Variants in LYZL6 observed in about 807,000 individuals in gnomAD.
LYZL6 encodes lysozyme like 6, also known as lysozyme-like protein 6.
LYZL6 carries 21 observed loss-of-function variants against 15.0 expected under a neutral mutation model. That is an observed-to-expected ratio of 1.40 (90% CI 1.00 to 2.02). LYZL6 has a LOEUF of 2.02. Among genes scored for constraint, LYZL6 ranks in the 30% most tolerant of loss-of-function variants. The probability of loss-of-function intolerance (pLI) is 0.00; values close to 1 mark genes in which losing one functional copy is unlikely to be tolerated. For synonymous variants in LYZL6, 72 were observed against 67.8 expected (o/e 1.06, Z -0.31); for missense variants, 173 against 180.5 (o/e 0.96, Z 0.24).
chr17:35,942,946 G>A (rs984248309), intron 1 of LYZL6, among the ~76,000 whole-genome samples: 1 of 152,128 alleles, frequency 6.6e-6, no homozygotes, highest in Non-Finnish European at 1.5e-5. Context: ...TCGGGAATGG[G>A]GTGAGAGCCT....
chr17:35,943,453 A>C (rs775742781), intron 1 of LYZL6, 114 bp downstream of exon 1: 5 of 152,260 alleles, frequency 3.3e-5, no homozygotes, highest in Non-Finnish European at 7.3e-5. Context: ...GATAGATGTC[A>C]CTGAGCCTCG....
At chr17:35,935,864 A>G (rs2089367591) in intron 4 of LYZL6, among the ~76,000 whole-genome samples, 1 of 147,836 alleles carries the variant, frequency 6.8e-6, no homozygotes, top group African/African-American at 2.5e-5. Flanking sequence ...CCCAGGCTGG[A>G]GTGCAGTGGC....
In LYZL6 at chr17:35,937,772, T is replaced by A. The variant is rs746603503; in HGVS notation, c.284A>T (p.His95Leu). 6.2e-7 allele frequency: 1 copy of A among 1,614,186 alleles called. No individual in the cohort carries two copies. Among genetic ancestry groups the A allele is most frequent in the East Asian group, 2.2e-5 (1 of 44,892 alleles). Reference protein sequence around the residue: ...DYKSYSENLCHVDCQDLLNPN... With the variant: ...DYKSYSENLCLVDCQDLLNPN... The stretch of plus-strand genomic sequence containing the variant: ...CCTGGCCAGACCTTGACAGTCTACG[T>A]GGCAAAGGTTTTCCGAGTAACTCTT... The change falls in exon 3 of 5, where the codon CAC becomes CTC. Residue 95 changes from histidine to leucine, a missense_variant. Transcript: ENST00000615905.
rs370894634 is a variant in LYZL6, at chr17:35,937,803, C to T, written c.253G>A (p.Asp85Asn). Residue 85 changes from aspartate to asparagine, a missense_variant, in exon 3 of 5, where the codon GAT (aspartate) becomes AAT (asparagine). Physicochemically the swap from Asp to Asn is conservative, Grantham distance 23. Coordinates refer to ENST00000615905, the MANE Select transcript of LYZL6 (RefSeq NM_020426.4). The stretch of plus-strand genomic sequence containing the variant: ...AGGTTTTCCGAGTAACTCTTATAAT[C>T]GTTGCACCAGTAGTGGCTGTTGATC... ...FQINSHYWCNDYKSYSENLCH... is the reference protein window; with the variant it reads ...FQINSHYWCNNYKSYSENLCH... The T allele has an allele frequency of 2.7e-5, 44 of 1,614,052 alleles. No homozygotes were observed. Among genetic ancestry groups the T allele is most frequent in the South Asian group, 5.5e-5 (5 of 91,080 alleles).
chr17:35,939,051 G>A (rs988169818), intron 2 of LYZL6, among the ~76,000 whole-genome samples, 167 bp downstream of exon 2: 1 of 152,188 alleles, frequency 6.6e-6, no homozygotes, highest in African/African-American at 2.4e-5. Flanking sequence ...TACATAATAA[G>A]TGCTCAGACA....
At chr17:35,940,876 CA>C (rs552511066) in intron 1 of LYZL6, among the ~76,000 whole-genome samples, 5 of 152,208 alleles carry the variant, frequency 3.3e-5, no homozygotes, top group Non-Finnish European at 7.3e-5. Flanking sequence ...AATAATATTT[CA>C]TTGTATGAAT....
In LYZL6 at chr17:35,939,452, G is replaced by A. The variant is rs1043840671; in HGVS notation, c.-96C>T. 5 of 1,306,528 alleles carry A rather than the reference G, an allele frequency of 3.8e-6. No individual in the cohort carries two copies. Among genetic ancestry groups the A allele is most frequent in the Non-Finnish European group, 4.2e-6 (4 of 943,492 alleles). The allele number at this position is 1,306,528 out of a possible 1,614,324, so 80.9% of individuals were successfully genotyped here. On this transcript the variant is annotated 5_prime_UTR_variant, in exon 2 of 5. Transcript: ENST00000615905. Reference sequence around the variant, plus strand: ...TCTGAGAGCCTGGGGAATCTGGAGAGGGCAGCCAGGTTTCCTTACTCACTC... The same window carrying A: ...TCTGAGAGCCTGGGGAATCTGGAGAAGGCAGCCAGGTTTCCTTACTCACTC...
intron 1 of LYZL6, among the ~76,000 whole-genome samples, chr17:35,942,018 A>C (rs2141969737): frequency 6.6e-6 from 1 of 150,866 alleles, no homozygotes; most frequent in East Asian, 2.0e-4. Flanking sequence ...GTGCCTCCAG[A>C]TGTGATTCCC....
intron 3 of LYZL6, among the ~76,000 whole-genome samples, chr17:35,937,250 C>T (rs1047537950): frequency 2.6e-5 from 4 of 152,132 alleles, no homozygotes; most frequent in Admixed American, 6.5e-5. Flanking sequence ...TGGGCCCTGT[C>T]GAGCCTCCTG....
rs1327230857 is a variant in LYZL6, at chr17:35,934,695, A to G, written c.*101T>C. On this transcript the variant is annotated 3_prime_UTR_variant, in exon 5 of 5. Coordinates refer to ENST00000615905, the MANE Select transcript of LYZL6 (RefSeq NM_020426.4). ...AGTTTTAGTTGTAAATGGGAAGGGAAGAAAATAACATGAAGTGGAGGCAGT... is the reference window on the plus strand; with the variant it reads ...AGTTTTAGTTGTAAATGGGAAGGGAGGAAAATAACATGAAGTGGAGGCAGT... The G allele has an allele frequency of 2.6e-6, 3 of 1,145,986 alleles. No individual in the cohort carries two copies. The highest frequency in any genetic ancestry group is 4.8e-5 in the East Asian group (2 of 41,672). 71.0% of individuals were successfully genotyped at this position (1,145,986 alleles called of 1,614,324 possible).
In LYZL6 at chr17:35,934,569, G is replaced by A. The variant is rs1332774482; in HGVS notation, c.*227C>T. On this transcript the variant is annotated 3_prime_UTR_variant, in exon 5 of 5. Transcript: ENST00000615905. ...CGATAAATATAAAGATTTCTTTATT[G>A]TGGTCCTCAGTTTACAAATAACAGA... is the stretch of plus-strand genomic sequence containing the variant. The A allele has an allele frequency of 1.5e-5, 8 of 539,664 alleles. No homozygotes were observed. Among genetic ancestry groups the A allele is most frequent in the Non-Finnish European group, 2.6e-5 (8 of 304,570 alleles). 33.4% of individuals were successfully genotyped at this position (539,664 alleles called of 1,614,324 possible). A position where few individuals can be genotyped will look rare whatever the true frequency, so the allele number is the denominator to read the frequency against.
rs2141966847 is a variant in LYZL6, at chr17:35,938,000, T to A, written c.140-84A>T. Reference sequence around the variant, plus strand: ...GATGGAGGAGAAAGGGAGGCAAGGTTTCAGACAAAAGGAACAAGGCCTGGG... The same window carrying A: ...GATGGAGGAGAAAGGGAGGCAAGGTATCAGACAAAAGGAACAAGGCCTGGG... On this transcript the variant is annotated intron_variant, in intron 2 of 4. Coordinates refer to ENST00000615905, the MANE Select transcript of LYZL6 (RefSeq NM_020426.4). 2.1e-6 allele frequency: 3 copies of A among 1,409,060 alleles called. 1 individual carries two copies. The South Asian group carries it at 3.8e-5, about 18-fold the overall frequency. The allele number at this position is 1,409,060 out of a possible 1,614,324, so 87.3% of individuals were successfully genotyped here.
At chr17:35,935,385 A>G (rs972191001) in intron 4 of LYZL6, among the ~76,000 whole-genome samples, 1 of 152,216 alleles carries the variant, frequency 6.6e-6, no homozygotes, top group Non-Finnish European at 1.5e-5. Context: ...GTGTCTGCCC[A>G]GCTGATGAAT....
chr17:35,939,602 C>T, intron 1 of LYZL6, 44 bp from the exon 2 acceptor site: 1 of 319,932 alleles, frequency 3.1e-6, no homozygotes. Flanking sequence ...CTCCATATAC[C>T]CACTTCTGAG....
At chr17:35,935,192 A>G (rs2089360667) in intron 4 of LYZL6, among the ~76,000 whole-genome samples, 1 of 151,096 alleles carries the variant, frequency 6.6e-6, no homozygotes, top group Non-Finnish European at 1.5e-5. Flanking sequence ...TTCTCCCTCC[A>G]GAAAGGATCA....
Position 35,943,672 on chromosome 17 carries a change from C to T in LYZL6, c.-308G>A, listed in dbSNP as rs1402114580. 2 of 152,280 alleles carry T rather than the reference C, an allele frequency of 1.3e-5. No homozygotes were observed. The highest frequency in any genetic ancestry group is 4.8e-5 in the African/African-American group (2 of 41,446). The allele number at this position is 152,280 out of a possible 1,614,324, so 9.4% of individuals were successfully genotyped here. A position where few individuals can be genotyped will look rare whatever the true frequency, so the allele number is the denominator to read the frequency against. ...AGTAGGAGCCTCTTCTTCCTCACCA[C>T]ATACACTTCAGCCCTGCCCAACTAA... On this transcript the variant is annotated 5_prime_UTR_variant, in exon 1 of 5. In the 5' UTR this introduces an upstream ATG that the reference lacks. Coordinates refer to ENST00000615905, the MANE Select transcript of LYZL6 (RefSeq NM_020426.4).
At chr17:35,935,193 G>A (rs2089360694) in intron 4 of LYZL6, among the ~76,000 whole-genome samples, 2 of 151,198 alleles carry the variant, frequency 1.3e-5, no homozygotes, top group South Asian at 4.2e-4. Flanking sequence ...TCTCCCTCCA[G>A]AAAGGATCAG....
Position 35,939,360 on chromosome 17 carries a change from T to C in LYZL6, c.-4A>G. 1 of 1,613,872 alleles carries C rather than the reference T, an allele frequency of 6.2e-7. No homozygotes were observed. Among genetic ancestry groups the C allele is most frequent in the Non-Finnish European group, 8.5e-7 (1 of 1,179,880 alleles). ...AGATGAGTAGCGCCTTTGTCATCCT[T>C]GGAGGGGAGGAGGTGCAGCTGAGGG... On this transcript the variant is annotated 5_prime_UTR_variant, in exon 2 of 5. Coordinates refer to ENST00000615905, the MANE Select transcript of LYZL6 (RefSeq NM_020426.4).
Position 35,943,566 on chromosome 17 carries a change from C to A in LYZL6, c.-203+1G>T, listed in dbSNP as rs2089439009. The A allele has an allele frequency of 6.6e-6, 1 of 152,164 alleles. No individual in the cohort carries two copies. Among genetic ancestry groups the A allele is most frequent in the African/African-American group, 2.4e-5 (1 of 41,406 alleles). 9.4% of individuals were successfully genotyped at this position (152,164 alleles called of 1,614,324 possible). On this transcript the variant is annotated splice_donor_variant, in intron 1 of 4. Coordinates refer to ENST00000615905, the MANE Select transcript of LYZL6 (RefSeq NM_020426.4). LOFTEE classifies it low-confidence loss of function (5UTR_SPLICE). ...ATGTTCCCACCCCTTCCACAGCTTA[C>A]CTCTCTCCCATCCCTCTCTGACCCT...
Sources: allele counts gnomAD v4.1 joint callset (sites outside exome capture counted in the v4.1 genomes callset), GRCh38; gene constraint gnomAD v4.1.1; transcripts MANE v1.5; gene names NCBI Gene and HGNC (gene_info 2026-07-23, HGNC 2026-07-21).